The following GLIS3 variants were observed in gnomAD, a reference collection of about 807,000 sequenced individuals.
GLIS3 encodes zinc finger protein GLIS3.
In GLIS3, 53 loss-of-function variants were observed where a neutral mutation model predicts 78.6. The observed-to-expected ratio is 0.67, with a 90% CI of 0.54 to 0.85. The LOEUF (loss-of-function observed/expected upper bound fraction) is 0.85. GLIS3 is among the 40% of genes least tolerant of loss of function. GLIS3 has a pLI of 0.00. For missense variants in GLIS3, 1,703 were observed against 1,231.1 expected (o/e 1.38, Z -5.74); for synonymous variants, 684 against 509.9 (o/e 1.34, Z -4.60).
rs147901901 is a variant in GLIS3 at position 3,883,767 on chromosome 9, C to T, written c.2129-4172G>A. 5.8e-4 allele frequency among the ~76,000 whole-genome samples: 88 copies of T among 152,358 alleles called. No homozygotes were observed. The East Asian group carries it at 9.8e-3, about 17-fold the overall frequency. Reference sequence around the variant, plus strand: ...CTTCTAAGTGAACTTCCAGACATACCTGATGACTGGCAGCTGGAACAACTG... The same window carrying T: ...CTTCTAAGTGAACTTCCAGACATACTTGATGACTGGCAGCTGGAACAACTG... On this transcript the variant is annotated intron_variant, in intron 7 of 10. Coordinates refer to ENST00000381971, the MANE Select transcript of GLIS3 (RefSeq NM_001042413.2).
At chr9:3,935,505 A>G (rs1419305345) in intron 5 of GLIS3, among the ~76,000 whole-genome samples, 1 of 152,180 alleles carries the variant, frequency 6.6e-6, no homozygotes, top group Non-Finnish European at 1.5e-5. Context: ...ATTAGCTCCA[A>G]GCAAAGGAGG....
intron 8 of GLIS3, among the ~76,000 whole-genome samples, chr9:3,858,176 C>T (rs1448034329): frequency 6.6e-6 from 1 of 152,264 alleles, no homozygotes; most frequent in South Asian, 2.1e-4. Flanking sequence ...ATGCAACTTG[C>T]TCTAGATGGT....
At chr9:4,068,079 G>A (rs977691074) in intron 4 of GLIS3, among the ~76,000 whole-genome samples, 1 of 152,054 alleles carries the variant, frequency 6.6e-6, no homozygotes, top group African/African-American at 2.4e-5. Context: ...CTCAAAATAA[G>A]GAGCTTAGAA....
intron 2 of GLIS3, among the ~76,000 whole-genome samples, chr9:4,346,134 A>G (rs180718374): frequency 6.6e-6 from 1 of 152,348 alleles, no homozygotes; most frequent in Admixed American, 6.5e-5. Flanking sequence ...TATTACAAAA[A>G]TCGATTATGT....
intron 4 of GLIS3, among the ~76,000 whole-genome samples, chr9:3,945,385 CA>C (rs1393984658): frequency 6.6e-6 from 1 of 152,106 alleles, no homozygotes; most frequent in Non-Finnish European, 1.5e-5. Flanking sequence ...AGCAGTATAC[CA>C]AGCGACCAAT....
At chr9:3,848,284 T>C (rs996671138) in intron 9 of GLIS3, among the ~76,000 whole-genome samples, 8 of 152,152 alleles carry the variant, frequency 5.3e-5, no homozygotes, top group African/African-American at 1.9e-4. Context: ...GTGGATCACC[T>C]GGGCTCGGGA....
At chr9:4,322,382 G>A (rs564202399) in intron 2 of GLIS3, among the ~76,000 whole-genome samples, 25 of 152,146 alleles carry the variant, frequency 1.6e-4, no homozygotes, top group Admixed American at 1.4e-3. Context: ...ATAATCCTTT[G>A]GGTATATACT....
chr9:4,272,407 A>C (rs1028202406), intron 2 of GLIS3, among the ~76,000 whole-genome samples: 1 of 152,184 alleles, frequency 6.6e-6, no homozygotes, highest in Non-Finnish European at 1.5e-5. Context: ...CCAAAAAACA[A>C]AACAACATCC....
intron 2 of GLIS3, among the ~76,000 whole-genome samples, chr9:4,162,346 G>A (rs1441911009): frequency 1.3e-5 from 2 of 152,102 alleles, no homozygotes; most frequent in Admixed American, 6.6e-5. Context: ...TGAGGTTCCA[G>A]GTGGGCATTA....
intron 4 of GLIS3, among the ~76,000 whole-genome samples, chr9:4,078,295 C>G (rs1828246799): frequency 6.6e-6 from 1 of 152,056 alleles, no homozygotes; most frequent in African/African-American, 2.4e-5. Context: ...ATGGAGTATC[C>G]TGCCCCTACC....
At chr9:4,257,908 G>A (rs190092902) in intron 2 of GLIS3, among the ~76,000 whole-genome samples, 1 of 152,074 alleles carries the variant, frequency 6.6e-6, no homozygotes, top group Admixed American at 6.6e-5. Flanking sequence ...TTAAAATATC[G>A]TGTTTTACAT....
chr9:4,148,674 G>T (rs1202661031), intron 2 of GLIS3, among the ~76,000 whole-genome samples: 1 of 152,052 alleles, frequency 6.6e-6, no homozygotes, highest in Non-Finnish European at 1.5e-5. Context: ...AACAGGTAAT[G>T]CCCACACCAT....
At chr9:4,116,548 T>C (rs1417713169) in intron 4 of GLIS3, among the ~76,000 whole-genome samples, 1 of 152,334 alleles carries the variant, frequency 6.6e-6, no homozygotes, top group East Asian at 1.9e-4. Flanking sequence ...TACCGGGCAG[T>C]GAAAAAGTGC....
chr9:4,253,448 G>A (rs1331239093), intron 2 of GLIS3, among the ~76,000 whole-genome samples: 1 of 152,240 alleles, frequency 6.6e-6, no homozygotes, highest in Non-Finnish European at 1.5e-5. Flanking sequence ...AATGGTGGAT[G>A]ACGCTCCCCC....
In GLIS3 at chr9:4,178,674, T is replaced by C. The variant is rs528995303; in HGVS notation, c.389-52733A>G. Among the ~76,000 whole-genome samples the C allele has an allele frequency of 3.3e-5, 5 of 152,328 alleles. No homozygotes were observed. In the South Asian group the frequency reaches 1.0e-3, roughly 32 times the overall value. ...CACAGGAAAATAAAAACCCAAATTT[T>C]CTACAGAAATTCAGAATGACTACAC... On this transcript the variant is annotated intron_variant, in intron 2 of 10. Transcript: ENST00000381971.
chr9:3,839,157 A>G (rs1019279862), intron 9 of GLIS3, among the ~76,000 whole-genome samples: 6 of 152,194 alleles, frequency 3.9e-5, no homozygotes, highest in African/African-American at 1.4e-4. Flanking sequence ...CATTTTAGAC[A>G]ATGAGATGGA....
At chr9:4,099,833 T>C (rs780704080) in intron 4 of GLIS3, among the ~76,000 whole-genome samples, 3 of 152,260 alleles carry the variant, frequency 2.0e-5, no homozygotes, top group Non-Finnish European at 4.4e-5. Flanking sequence ...TTTAAATTGA[T>C]AAAAGATTTG....
At chr9:3,944,917 T>C (rs1363729022) in intron 4 of GLIS3, among the ~76,000 whole-genome samples, 2 of 152,196 alleles carry the variant, frequency 1.3e-5, no homozygotes, top group African/African-American at 4.8e-5. Context: ...AAAAGGGAAG[T>C]TGGCATGTGA....
intron 4 of GLIS3, among the ~76,000 whole-genome samples, chr9:4,038,858 A>G (rs1294877354): frequency 6.6e-6 from 1 of 152,158 alleles, no homozygotes; most frequent in Non-Finnish European, 1.5e-5. Context: ...TAGAAACATC[A>G]TGAAGATGAC....
Sources: gnomAD v4.1 joint callset for allele counts (sites outside exome capture counted in the v4.1 genomes callset) on GRCh38, gnomAD v4.1.1 for gene constraint, MANE v1.5 for transcripts, NCBI Gene and HGNC (gene_info 2026-07-23, HGNC 2026-07-21) for gene names.